ZNF737: variants seen among roughly 807,000 people sequenced by gnomAD.
ZNF737 encodes the protein zinc finger protein 102 (Y3).
Under a neutral mutation model 11.7 loss-of-function variants are expected in ZNF737, and 13 were observed. The ratio of observed to expected loss-of-function variants is 1.11; its 90% CI spans 0.73 to 1.77. The LOEUF (loss-of-function observed/expected upper bound fraction) is 1.77. Ranked by LOEUF, ZNF737 falls within the 40% of genes most tolerant of loss-of-function variation. ZNF737 has a pLI of 0.00. For missense variants in ZNF737, 636 were observed against 638.0 expected, an observed-to-expected ratio of 1.00 and a Z score of 0.03; for synonymous variants, 217 against 216.2, an observed-to-expected ratio of 1.00 and a Z score of -0.03.
intron 1 of ZNF737, among the ~76,000 whole-genome samples, chr19:20,555,665 T>A (rs1397291148): frequency 6.6e-6 from 1 of 152,168 alleles, no homozygotes; most frequent in African/African-American, 2.4e-5. Context: ...TTCAGACACC[T>A]TTGACTATCG....
downstream of ZNF737, among the ~76,000 whole-genome samples, chr19:20,532,207 A>C (rs1335970974): frequency 2.0e-5 from 3 of 149,992 alleles, no homozygotes; most frequent in African/African-American, 7.4e-5. Context: ...CACCATTTAG[A>C]TAATTTGATA....
intron 3 of ZNF737, among the ~76,000 whole-genome samples, chr19:20,549,153 C>T: frequency 6.6e-6 from 1 of 151,882 alleles, no homozygotes; most frequent in Middle Eastern, 3.2e-3. Flanking sequence ...TAAGCCATAA[C>T]TAAAATTGGG....
intron 1 of ZNF737, among the ~76,000 whole-genome samples, chr19:20,562,680 C>A (rs782243007): frequency 6.6e-6 from 1 of 152,090 alleles, no homozygotes; most frequent in Non-Finnish European, 1.5e-5. Context: ...GTCTTGAACA[C>A]CTGACCTCAG....
chr19:20,552,597 A>C (rs782391647), intron 2 of ZNF737, 27 bp from the exon 3 acceptor site: 2 of 1,501,772 alleles, frequency 1.3e-6, no homozygotes, highest in East Asian at 2.4e-5. Context: ...AAATAACATG[A>C]ATCTTGCTCA....
chr19:20,530,379 C>T, the ZNF737 span, among the ~76,000 whole-genome samples: 1 of 147,912 alleles, frequency 6.8e-6, no homozygotes, highest in African/African-American at 2.5e-5. Flanking sequence ...CACCTCCCTC[C>T]CGGACGGGGC....
At position 20,565,627 on chromosome 19, in the gene ZNF737, G is replaced by C. The variant is rs782249084; in HGVS notation, c.3+11C>G. 7 of 1,614,142 alleles carry C rather than the reference G, an allele frequency of 4.3e-6. No individual in the cohort carries two copies. In the East Asian group the frequency reaches 1.6e-4, roughly 36 times the overall value. On this transcript the variant is annotated intron_variant, in intron 1 of 3. Coordinates refer to ENST00000427401, the MANE Select transcript of ZNF737 (RefSeq NM_001159293.2). ...TCCCCCTCTCTCGGGATGTCGGACC[G>C]GCACTCTCACCATTTCTAGGCTTCC...
At chr19:20,550,088 T>C (rs1238836871) in intron 3 of ZNF737, among the ~76,000 whole-genome samples, 2 of 152,078 alleles carry the variant, frequency 1.3e-5, no homozygotes, top group Non-Finnish European at 2.9e-5. Flanking sequence ...AATGAGAAAA[T>C]AAATTAGCAT....
chr19:20,537,246 G>T (rs575728577), downstream of ZNF737, among the ~76,000 whole-genome samples: 1 of 151,258 alleles, frequency 6.6e-6, no homozygotes, highest in South Asian at 2.1e-4. Context: ...TGTTGCCCAG[G>T]CTGGAGTACA....
downstream of ZNF737, among the ~76,000 whole-genome samples, chr19:20,532,287 A>G (rs1314051080): frequency 6.7e-6 from 1 of 150,132 alleles, no homozygotes; most frequent in Non-Finnish European, 1.5e-5. Context: ...GGCTGATTGC[A>G]ATCACCTGGT....
At position 20,544,568 on chromosome 19, in the gene ZNF737, A is replaced by G; in HGVS notation, c.*24T>C. On this transcript the variant is annotated 3_prime_UTR_variant, in exon 4 of 4. Transcript: ENST00000427401. ...TGAAAAAAGCATAGTGGGATAGCTT[A>G]AAGCTTTGCCACATTCCTCACATTT... 6.3e-7 allele frequency: 1 copy of G among 1,578,078 alleles called. No homozygotes were observed.
In ZNF737 at chr19:20,544,934, T is replaced by C. The variant is rs369269224; in HGVS notation, c.1269A>G (p.Gln423=). 4.3e-6 allele frequency: 7 copies of C among 1,612,828 alleles called. No individual in the cohort carries two copies. The highest frequency in any genetic ancestry group is 1.7e-5 in the Admixed American group (1 of 59,882). ...TTHKIIHTGQ[Q]PFKCEECGKA... is the part of the protein sequence containing the mutation. ...TGCCACATTCTTCACACTTGAAGGG[T>C]TGCTGTCCAGTATGGATTATCTTAT... Residue 423 remains glutamine, a synonymous_variant, in exon 4 of 4, where the codon CAA becomes CAG. Transcript: ENST00000427401.
At chr19:20,552,628 G>C (rs1057165194) in intron 2 of ZNF737, 58 bp from the exon 3 acceptor site, 2 of 1,217,430 alleles carry the variant, frequency 1.6e-6, no homozygotes, top group South Asian at 1.6e-5. Context: ...TTACAAGCTA[G>C]TAATGTGCTC....
chr19:20,544,423 T>G lies in ZNF737; in HGVS notation c.*169A>C. The G allele has an allele frequency of 6.9e-7, 1 of 1,448,268 alleles. No individual in the cohort carries two copies. The highest frequency in any genetic ancestry group is 9.0e-7 in the Non-Finnish European group (1 of 1,107,208). The allele number at this position is 1,448,268 out of a possible 1,614,324, so 89.7% of individuals were successfully genotyped here. ...TTAAAGGCTTTGCTGCATTTTCTTA[T>G]TTGTTGGGTTTCTTTCCCGCATGAA... On this transcript the variant is annotated 3_prime_UTR_variant, in exon 4 of 4. Coordinates refer to ENST00000427401, the MANE Select transcript of ZNF737 (RefSeq NM_001159293.2).
rs1336787748 is a variant in ZNF737 at position 20,542,596 on chromosome 19, ATTTAT to A, written c.*1991_*1995del. Reference sequence around the variant, plus strand: ...GTACAAGTAGTAAAGTAATATACTCATTTATTTTAATATACTTTTAATTATTTCTT... The same window carrying A: ...GTACAAGTAGTAAAGTAATATACTCATTTAATATACTTTTAATTATTTCTT... On this transcript the variant is annotated 3_prime_UTR_variant, in exon 4 of 4. Coordinates refer to ENST00000427401, the MANE Select transcript of ZNF737 (RefSeq NM_001159293.2). 10 of 971,134 alleles carry A rather than the reference ATTTAT, an allele frequency of 1.0e-5. No individual in the cohort carries two copies. The highest frequency in any genetic ancestry group is 1.8e-5 in the African/African-American group (1 of 56,848). The allele number at this position is 971,134 out of a possible 1,614,324, so 60.2% of individuals were successfully genotyped here. A position where few individuals can be genotyped will look rare whatever the true frequency, so the allele number is the denominator to read the frequency against.
intron 1 of ZNF737, among the ~76,000 whole-genome samples, chr19:20,556,670 T>G (rs1968900122): frequency 6.6e-6 from 1 of 152,224 alleles, no homozygotes; most frequent in African/African-American, 2.4e-5. Flanking sequence ...AACCAAATAC[T>G]TCTCATACAA....
chr19:20,562,810 C>G (rs1292049152), intron 1 of ZNF737, among the ~76,000 whole-genome samples: 1 of 152,136 alleles, frequency 6.6e-6, no homozygotes, highest in Admixed American at 6.5e-5. Context: ...CTCCCTCAGG[C>G]TCCTGAACTT....
intron 2 of ZNF737, among the ~76,000 whole-genome samples, 166 bp from the exon 3 acceptor site, chr19:20,552,736 A>G (rs782497304): frequency 3.9e-5 from 6 of 152,024 alleles, no homozygotes; most frequent in Non-Finnish European, 8.8e-5. Context: ...TAAATTTGCC[A>G]GGTGCAGTTA....
chr19:20,549,989 C>A (rs1277916036), intron 3 of ZNF737, among the ~76,000 whole-genome samples: 1 of 150,580 alleles, frequency 6.6e-6, no homozygotes, highest in Non-Finnish European at 1.5e-5. Context: ...TGTGTACTCA[C>A]AAAATGCAAG....
chr19:20,552,946 A>G (rs1968743503), intron 2 of ZNF737, among the ~76,000 whole-genome samples: 2 of 148,650 alleles, frequency 1.3e-5, no homozygotes, highest in East Asian at 4.1e-4. Flanking sequence ...TGGGAGGTGG[A>G]TGTTTCAGTA....
Sources: allele counts gnomAD v4.1 joint callset (sites outside exome capture counted in the v4.1 genomes callset), GRCh38; gene constraint gnomAD v4.1.1; transcripts MANE v1.5; gene names NCBI Gene and HGNC (gene_info 2026-07-23, HGNC 2026-07-21).